RBFOX1: variants seen among roughly 807,000 people sequenced by gnomAD.
RBFOX1 encodes RNA binding protein fox-1 homolog 1.
RBFOX1 carries 8 observed loss-of-function variants against 57.7 expected under a neutral mutation model. The observed-to-expected ratio is 0.14, with a 90% CI of 0.08 to 0.25. RBFOX1 has a LOEUF of 0.25. RBFOX1 is among the 10% of genes least tolerant of loss of function. The probability of loss-of-function intolerance (pLI) is 1.00; values close to 1 mark genes in which losing one functional copy is unlikely to be tolerated. For synonymous variants in RBFOX1, 326 were observed against 222.4 expected, an observed-to-expected ratio of 1.47 and a Z score of -4.15; for missense variants, 611 against 548.5, an observed-to-expected ratio of 1.11 and a Z score of -1.14.
intron 4 of RBFOX1, among the ~76,000 whole-genome samples, chr16:7,375,143 A>G (rs1174779862): frequency 1.3e-5 from 2 of 152,210 alleles, no homozygotes; most frequent in Admixed American, 1.3e-4. Flanking sequence ...TAATCTTTTC[A>G]GTAACGTTGG....
At chr16:5,797,875 G>A (rs2054930594) in intron 3 of RBFOX1, among the ~76,000 whole-genome samples, 6 of 152,160 alleles carry the variant, frequency 3.9e-5, no homozygotes, top group Admixed American at 3.9e-4. Flanking sequence ...AGAACAAGCA[G>A]GACAGGCTCT....
At chr16:7,486,435 C>T (rs2065415160) in intron 4 of RBFOX1, among the ~76,000 whole-genome samples, 1 of 152,016 alleles carries the variant, frequency 6.6e-6, no homozygotes, top group African/African-American at 2.4e-5. Flanking sequence ...TGGTACCCGG[C>T]CTTGTGTCTT....
chr16:5,545,054 G>A (rs961082521), intron 2 of RBFOX1, among the ~76,000 whole-genome samples: 3 of 137,630 alleles, frequency 2.2e-5, no homozygotes, highest in Non-Finnish European at 4.6e-5. Flanking sequence ...TTGGCTCACT[G>A]CAACCTCTGC....
rs188725344 is a variant in RBFOX1 at position 5,259,817 on chromosome 16, T to G, written c.219+19712T>G. Among the ~76,000 whole-genome samples the G allele has an allele frequency of 4.6e-4, 70 of 152,286 alleles. 1 individual carries two copies. The South Asian group carries it at 9.1e-3, about 20-fold the overall frequency. Reference sequence around the variant, plus strand: ...GAAATGTTTCTGTGTCACCCTCAGTTGATTGAACTCAAGTTTTCACTCCTG... The same window carrying G: ...GAAATGTTTCTGTGTCACCCTCAGTGGATTGAACTCAAGTTTTCACTCCTG... On this transcript the variant is annotated intron_variant, in intron 1 of 2. Transcript: ENST00000585867.
At chr16:6,886,449 A>C (rs567038194) in intron 3 of RBFOX1, among the ~76,000 whole-genome samples, 1 of 152,006 alleles carries the variant, frequency 6.6e-6, no homozygotes. Flanking sequence ...AGGCATTCCA[A>C]TTTCCAAGAT....
chr16:5,884,811 C>G (rs537593258), intron 4 of RBFOX1, among the ~76,000 whole-genome samples: 1 of 152,170 alleles, frequency 6.6e-6, no homozygotes, highest in Non-Finnish European at 1.5e-5. Flanking sequence ...CCAGAAGGTG[C>G]TCTCAAGAGG....
In RBFOX1 at chr16:5,680,285, G is replaced by C. The variant is rs562454794; in HGVS notation, c.318+81324G>C. On this transcript the variant is annotated intron_variant, in intron 3 of 19. Coordinates refer to the RBFOX1 transcript ENST00000641259. ...AGTCTGGCGGAGATTTGTTTGTTTT[G>C]CTTGATGGAGGAATAAGAAGGTCTC... Among the ~76,000 whole-genome samples, 7 of 152,226 alleles carry C rather than the reference G, an allele frequency of 4.6e-5. No individual in the cohort carries two copies. In the South Asian group the frequency reaches 1.5e-3, roughly 32 times the overall value.
At chr16:6,272,651 A>G (rs535074604) in intron 1 of RBFOX1, among the ~76,000 whole-genome samples, 1 of 152,340 alleles carries the variant, frequency 6.6e-6, no homozygotes, top group South Asian at 2.1e-4. Flanking sequence ...AATGAAGTAT[A>G]AAGTGGGAGA....
chr16:5,569,016 T>G (rs1163140517), intron 2 of RBFOX1, among the ~76,000 whole-genome samples: 1 of 35,238 alleles, frequency 2.8e-5, no homozygotes, highest in Admixed American at 2.1e-4. Context: ...AATTTTTGTA[T>G]TTTTTTTTTT....
At chr16:5,839,062 C>A (rs11645560) in intron 3 of RBFOX1, among the ~76,000 whole-genome samples, 1 of 151,946 alleles carries the variant, frequency 6.6e-6, no homozygotes, top group Non-Finnish European at 1.5e-5. Flanking sequence ...TAAACCACCT[C>A]CAAAGCACAG....
At chr16:7,046,662 A>G (rs185064480) in intron 3 of RBFOX1, among the ~76,000 whole-genome samples, 16 of 133,760 alleles carry the variant, frequency 1.2e-4, no homozygotes, top group African/African-American at 4.3e-4. Flanking sequence ...TCTGTGTGCA[A>G]TGGCATGATC....
chr16:5,695,968 C>G (rs2151470874), intron 3 of RBFOX1, among the ~76,000 whole-genome samples: 1 of 152,108 alleles, frequency 6.6e-6, no homozygotes, highest in South Asian at 2.1e-4. Context: ...TCCAATCAAC[C>G]TTCTAGATTT....
chr16:5,494,544 G>T (rs1257036956), intron 2 of RBFOX1, among the ~76,000 whole-genome samples: 6 of 152,190 alleles, frequency 3.9e-5, no homozygotes, highest in Non-Finnish European at 5.9e-5. Flanking sequence ...GGATGAGGGA[G>T]GTCTTGGAGC....
At chr16:5,943,329 A>G (rs961187867) in intron 4 of RBFOX1, among the ~76,000 whole-genome samples, 5 of 152,222 alleles carry the variant, frequency 3.3e-5, no homozygotes, top group African/African-American at 9.6e-5. Context: ...GATTCTGCAC[A>G]TTAGAATTTG....
chr16:6,995,059 C>G (rs1343258027), intron 3 of RBFOX1, among the ~76,000 whole-genome samples: 2 of 151,236 alleles, frequency 1.3e-5, no homozygotes, highest in Non-Finnish European at 2.9e-5. Flanking sequence ...ATTATTGTGA[C>G]TAAAACTCTC....
intron 4 of RBFOX1, among the ~76,000 whole-genome samples, chr16:5,994,930 CA>C (rs1179126494): frequency 6.6e-6 from 1 of 152,192 alleles, no homozygotes; most frequent in Non-Finnish European, 1.5e-5. Context: ...TTGCCCACAG[CA>C]AAAGTGACAT....
At chr16:5,908,395 C>T (rs1302161287) in intron 4 of RBFOX1, among the ~76,000 whole-genome samples, 1 of 150,848 alleles carries the variant, frequency 6.6e-6, no homozygotes, top group Non-Finnish European at 1.5e-5. Flanking sequence ...CTCTGTTGTC[C>T]AGGCTGGAGT....
chr16:5,783,849 T>C (rs1472837016), intron 3 of RBFOX1, among the ~76,000 whole-genome samples: 2 of 152,182 alleles, frequency 1.3e-5, no homozygotes, highest in Non-Finnish European at 2.9e-5. Context: ...GTTGCTCATC[T>C]ACAAAGTAAG....
chr16:5,813,525 A>G (rs965168054), intron 3 of RBFOX1, among the ~76,000 whole-genome samples: 1 of 152,228 alleles, frequency 6.6e-6, no homozygotes, highest in Admixed American at 6.5e-5. Flanking sequence ...TAAACCTTGT[A>G]CATACCATGC....
Sources: gnomAD v4.1 joint callset for allele counts (sites outside exome capture counted in the v4.1 genomes callset) on GRCh38, gnomAD v4.1.1 for gene constraint, MANE v1.5 for transcripts, NCBI Gene and HGNC (gene_info 2026-07-23, HGNC 2026-07-21) for gene names.